The following AUTS2 variants were observed in gnomAD, a reference collection of about 807,000 sequenced individuals.
AUTS2 encodes autism susceptibility gene 2 protein.
Under a neutral mutation model 112.4 loss-of-function variants are expected in AUTS2, and 17 were observed. The ratio of observed to expected loss-of-function variants is 0.15; its 90% confidence interval spans 0.10 to 0.23. The LOEUF (loss-of-function observed/expected upper bound fraction) is 0.23. AUTS2 is among the 10% of genes least tolerant of loss of function. The pLI is 1.00. For synonymous variants in AUTS2, 751 were observed against 702.7 expected, an observed-to-expected ratio of 1.07 and a Z score of -1.09; for missense variants, 1,510 against 1,701.6, an observed-to-expected ratio of 0.89 and a Z score of 1.98.
At chr7:70,632,741 C>T (rs558547303) in intron 5 of AUTS2, among the ~76,000 whole-genome samples, 4 of 152,190 alleles carry the variant, frequency 2.6e-5, no homozygotes, top group Non-Finnish European at 5.9e-5. Flanking sequence ...GCATGGTTTT[C>T]CTTTTTTGGA....
chr7:69,735,759 G>A lies in AUTS2; in HGVS notation c.309+135797G>A, dbSNP rs112295469. ...CCTGACAAGGAGTCTTGTGAGCTCC[G>A]TAAGGGCTGGCCCTTATCTGATTTG... On this transcript the variant is annotated intron_variant, in intron 1 of 18. Transcript: ENST00000342771. 2.2e-4 allele frequency among the ~76,000 whole-genome samples: 33 copies of A among 152,334 alleles called. No individual in the cohort carries two copies. In the East Asian group the frequency reaches 4.8e-3, roughly 22 times the overall value.
chr7:70,784,860 G>C, intron 15 of AUTS2, 82 bp from the exon 16 acceptor site: 1 of 1,247,576 alleles, frequency 8.0e-7, no homozygotes, highest in African/African-American at 1.5e-5. Flanking sequence ...TTTCTCACGG[G>C]GCCCTTAAGC....
chr7:70,530,375 G>A (rs1480510071), intron 5 of AUTS2, among the ~76,000 whole-genome samples: 1 of 152,122 alleles, frequency 6.6e-6, no homozygotes, highest in African/African-American at 2.4e-5. Flanking sequence ...ACATGGTACT[G>A]GTGAATGTTC....
intron 6 of AUTS2, among the ~76,000 whole-genome samples, chr7:70,734,847 G>T (rs1787688197): frequency 6.6e-6 from 1 of 152,078 alleles, no homozygotes; most frequent in Admixed American, 6.5e-5. Flanking sequence ...AGGTTGTTAT[G>T]AGACATTAGA....
At chr7:70,143,914 A>C (rs1203099885) in intron 4 of AUTS2, among the ~76,000 whole-genome samples, 4 of 152,184 alleles carry the variant, frequency 2.6e-5, no homozygotes, top group African/African-American at 9.7e-5. Context: ...GGTTCCTAGA[A>C]TACTCCTAAT....
chr7:69,719,762 C>T (rs1798817872), intron 1 of AUTS2, among the ~76,000 whole-genome samples: 1 of 151,988 alleles, frequency 6.6e-6, no homozygotes, highest in African/African-American at 2.4e-5. Flanking sequence ...CCTGAATTTC[C>T]CTCTTGTGTT....
chr7:70,176,165 G>T (rs1303241806), intron 4 of AUTS2, among the ~76,000 whole-genome samples: 1 of 152,110 alleles, frequency 6.6e-6, no homozygotes, highest in Non-Finnish European at 1.5e-5. Context: ...TTTCATTAGG[G>T]TTACTGCTAG....
At chr7:69,852,043 G>C (rs1418078787) in intron 1 of AUTS2, among the ~76,000 whole-genome samples, 1 of 152,106 alleles carries the variant, frequency 6.6e-6, no homozygotes, top group Non-Finnish European at 1.5e-5. Flanking sequence ...GGACATGCTT[G>C]TCTTGTTCCA....
At chr7:70,330,756 C>A (rs1257168181) in intron 4 of AUTS2, among the ~76,000 whole-genome samples, 1 of 152,202 alleles carries the variant, frequency 6.6e-6, no homozygotes, top group Non-Finnish European at 1.5e-5. Context: ...AACCCATGAA[C>A]ACAGGGTGTC....
intron 1 of AUTS2, among the ~76,000 whole-genome samples, chr7:69,617,610 T>G (rs1224768216): frequency 6.6e-6 from 1 of 152,190 alleles, no homozygotes; most frequent in Non-Finnish European, 1.5e-5. Context: ...AGAAAGCAAC[T>G]GTCCAAAGCC....
chr7:70,365,040 G>C (rs1792503045), intron 4 of AUTS2, among the ~76,000 whole-genome samples: 1 of 152,068 alleles, frequency 6.6e-6, no homozygotes, highest in Admixed American at 6.6e-5. Context: ...GAAAGGTACT[G>C]GGAAAGCCTA....
chr7:69,864,283 G>A (rs1442386812), intron 1 of AUTS2, among the ~76,000 whole-genome samples: 7 of 151,842 alleles, frequency 4.6e-5, no homozygotes, highest in African/African-American at 1.7e-4. Context: ...TTCCCCCTAC[G>A]GTGCAGCCAA....
chr7:70,743,600 G>T lies in AUTS2; in HGVS notation c.743-19270G>T, dbSNP rs372863494. 2.8e-4 allele frequency among the ~76,000 whole-genome samples: 42 copies of T among 151,834 alleles called. 1 individual carries two copies. In the South Asian group the frequency reaches 7.9e-3, roughly 29 times the overall value. The stretch of plus-strand genomic sequence containing the variant: ...AATTCTGTTTCTTTGTACCCAAAAA[G>T]ATTTAAGCATTTGTCGTGCATTGAT... On this transcript the variant is annotated intron_variant, in intron 6 of 18. Coordinates refer to ENST00000342771, the MANE Select transcript of AUTS2 (RefSeq NM_015570.4).
At chr7:69,914,356 G>GACACACACACACACACACACAC (rs66527808) in intron 2 of AUTS2, among the ~76,000 whole-genome samples, 44 of 135,936 alleles carry the variant, frequency 3.2e-4, no homozygotes, top group South Asian at 7.5e-4. Flanking sequence ...CACACACACA[G>GACACACACACACACACACACAC]ACACACACAC....
chr7:69,736,231 C>A (rs967516168), intron 1 of AUTS2, among the ~76,000 whole-genome samples: 1 of 152,174 alleles, frequency 6.6e-6, no homozygotes. Context: ...ATGCCTCACA[C>A]CACCTCCTTC....
chr7:69,637,672 A>C (rs1180533559), intron 1 of AUTS2, among the ~76,000 whole-genome samples: 1 of 141,994 alleles, frequency 7.0e-6, no homozygotes, highest in Non-Finnish European at 1.5e-5. Context: ...ACCAACCTAA[A>C]TAAATAGATG....
At chr7:70,274,864 A>G (rs1787856427) in intron 4 of AUTS2, among the ~76,000 whole-genome samples, 1 of 152,238 alleles carries the variant, frequency 6.6e-6, no homozygotes, top group South Asian at 2.1e-4. Flanking sequence ...GATAATTACC[A>G]TATATGATTC....
intron 2 of AUTS2, among the ~76,000 whole-genome samples, chr7:70,067,308 G>T (rs1199876033): frequency 6.6e-6 from 1 of 152,110 alleles, no homozygotes; most frequent in Non-Finnish European, 1.5e-5. Context: ...TAAGAATGCA[G>T]TATACATAAT....
chr7:69,846,456 C>G (rs568088310), intron 1 of AUTS2, among the ~76,000 whole-genome samples: 7 of 152,190 alleles, frequency 4.6e-5, no homozygotes, highest in Non-Finnish European at 1.0e-4. Flanking sequence ...TGGCATTGGG[C>G]CCAGAATCCA....
Sources: gnomAD v4.1 joint callset for allele counts (sites outside exome capture counted in the v4.1 genomes callset) on GRCh38, gnomAD v4.1.1 for gene constraint, MANE v1.5 for transcripts, NCBI Gene and HGNC (gene_info 2026-07-23, HGNC 2026-07-21) for gene names.